The following GALNTL6 variants were observed in gnomAD, a reference collection of about 807,000 sequenced individuals.
The protein encoded by GALNTL6 is polypeptide N-acetylgalactosaminyltransferase like 6, also known as polypeptide N-acetylgalactosaminyltransferase-like 6.
In GALNTL6, 46 loss-of-function variants were observed where a neutral mutation model predicts 73.7. The ratio of observed to expected loss-of-function variants is 0.62; its 90% CI spans 0.49 to 0.80. The LOEUF is 0.80. Ranked by LOEUF, GALNTL6 falls within the 30% of genes least tolerant of loss-of-function variation. The pLI, the probability that GALNTL6 is intolerant of heterozygous loss-of-function variation, is 0.00. For synonymous variants in GALNTL6, 259 were observed against 263.7 expected, an observed-to-expected ratio of 0.98 and a Z score of 0.17; for missense variants, 604 against 755.0, an observed-to-expected ratio of 0.80 and a Z score of 2.34.
At position 172,881,404 on chromosome 4, in the gene GALNTL6, C is replaced by T. The variant is rs111738215; in HGVS notation, c.924-1386C>T. 5.4e-3 allele frequency among the ~76,000 whole-genome samples: 830 copies of T among 152,296 alleles called. 9 individuals are homozygous for T. The highest frequency in any genetic ancestry group is 0.018 in the African/African-American group (756 of 41,550). On this transcript the variant is annotated intron_variant, in intron 7 of 12. Coordinates refer to ENST00000506823, the MANE Select transcript of GALNTL6 (RefSeq NM_001034845.3). Reference sequence around the variant, plus strand: ...TTCTGCCCACTTTCCTGGAGAAAAACCTAAATTCCTCTCCCAGTCTTGTAA... The same window carrying T: ...TTCTGCCCACTTTCCTGGAGAAAAATCTAAATTCCTCTCCCAGTCTTGTAA...
At chr4:172,081,188 T>A (rs1192521585) in intron 2 of GALNTL6, among the ~76,000 whole-genome samples, 1 of 152,222 alleles carries the variant, frequency 6.6e-6, no homozygotes, top group Non-Finnish European at 1.5e-5. Context: ...AAAGGGCATA[T>A]AATGGAGAGT....
At chr4:172,346,963 T>A (rs1741763138) in intron 4 of GALNTL6, among the ~76,000 whole-genome samples, 1 of 147,336 alleles carries the variant, frequency 6.8e-6, no homozygotes, top group Non-Finnish European at 1.5e-5. Flanking sequence ...GCCTATTGAT[T>A]TTTTTCTTTT....
At chr4:172,995,178 T>C (rs1751721152) in intron 10 of GALNTL6, among the ~76,000 whole-genome samples, 1 of 152,154 alleles carries the variant, frequency 6.6e-6, no homozygotes, top group South Asian at 2.1e-4. Flanking sequence ...AGTGTTTATA[T>C]TCATAAAATA....
At chr4:172,078,214 A>G (rs1407240744) in intron 2 of GALNTL6, among the ~76,000 whole-genome samples, 1 of 152,184 alleles carries the variant, frequency 6.6e-6, no homozygotes, top group Admixed American at 6.5e-5. Context: ...TGATTGGAAC[A>G]TGGGGGCAGA....
chr4:172,657,968 G>A (rs1731135828), intron 5 of GALNTL6, among the ~76,000 whole-genome samples: 1 of 149,800 alleles, frequency 6.7e-6, no homozygotes, highest in African/African-American at 2.5e-5. Context: ...GGCTAAAACG[G>A]TGAAACCCCG....
At chr4:172,795,832 T>C (rs1740231410) in intron 5 of GALNTL6, among the ~76,000 whole-genome samples, 1 of 151,066 alleles carries the variant, frequency 6.6e-6, no homozygotes, top group Non-Finnish European at 1.5e-5. Flanking sequence ...TCAGAAAACA[T>C]TATTCACAAA....
chr4:172,997,674 A>G (rs760366965), intron 10 of GALNTL6, among the ~76,000 whole-genome samples: 26 of 152,182 alleles, frequency 1.7e-4, no homozygotes, highest in Non-Finnish European at 2.9e-4. Flanking sequence ...AGAGATGTGG[A>G]TTAAAGAGTA....
intron 2 of GALNTL6, among the ~76,000 whole-genome samples, chr4:172,152,060 C>T (rs1264227761): frequency 1.3e-5 from 2 of 151,774 alleles, no homozygotes; most frequent in Non-Finnish European, 2.9e-5. Context: ...TACTGCAACC[C>T]CCACCTCCCG....
intron 12 of GALNTL6, among the ~76,000 whole-genome samples, chr4:173,035,695 G>T (rs1327910177): frequency 6.6e-6 from 1 of 152,214 alleles, no homozygotes; most frequent in Non-Finnish European, 1.5e-5. Flanking sequence ...TAATTGCACA[G>T]AAGAGCTCAT....
chr4:172,328,984 T>A (rs574966509), intron 4 of GALNTL6, among the ~76,000 whole-genome samples: 1 of 152,256 alleles, frequency 6.6e-6, no homozygotes, highest in South Asian at 2.1e-4. Context: ...CATCTCTGGG[T>A]GGGTGTTCCT....
chr4:172,718,560 C>T (rs1430251147), intron 5 of GALNTL6, among the ~76,000 whole-genome samples: 1 of 151,972 alleles, frequency 6.6e-6, no homozygotes, highest in South Asian at 2.1e-4. Context: ...ATCACTTGAG[C>T]CTGGGAGGTT....
intron 5 of GALNTL6, among the ~76,000 whole-genome samples, chr4:172,659,240 A>T (rs1731246146): frequency 6.6e-6 from 1 of 151,696 alleles, no homozygotes; most frequent in South Asian, 2.1e-4. Flanking sequence ...TCTTTTTTAA[A>T]ATTTTTATGT....
chr4:171,901,838 T>C (rs892855997), intron 2 of GALNTL6, among the ~76,000 whole-genome samples: 1 of 152,168 alleles, frequency 6.6e-6, no homozygotes, highest in East Asian at 1.9e-4. Flanking sequence ...AAAAAATTAA[T>C]ATTGTCTCAC....
At chr4:172,718,232 T>A (rs1324590040) in intron 5 of GALNTL6, among the ~76,000 whole-genome samples, 1 of 152,214 alleles carries the variant, frequency 6.6e-6, no homozygotes, top group Non-Finnish European at 1.5e-5. Flanking sequence ...AGAGTGAAGA[T>A]GTTAATATTT....
intron 7 of GALNTL6, among the ~76,000 whole-genome samples, chr4:172,831,157 C>CAAAAAAAAAAAAAA (rs60870698): frequency 4.9e-4 from 31 of 63,902 alleles, no homozygotes; most frequent in Non-Finnish European, 6.5e-4. Flanking sequence ...GACTCCCTCT[C>CAAAAAAAAAAAAAA]AAAAAAAAAA....
At chr4:172,339,602 C>CT (rs1411046210) in intron 4 of GALNTL6, among the ~76,000 whole-genome samples, 8 of 152,184 alleles carry the variant, frequency 5.3e-5, no homozygotes, top group African/African-American at 1.9e-4. Flanking sequence ...TGGCATCCTG[C>CT]TTTCAACTCC....
At chr4:171,958,546 T>C (rs1739124046) in intron 2 of GALNTL6, among the ~76,000 whole-genome samples, 1 of 152,160 alleles carries the variant, frequency 6.6e-6, no homozygotes, top group Admixed American at 6.6e-5. Context: ...ATTAGGTCTT[T>C]ACTGTTATCA....
chr4:172,716,092 C>T (rs1302778694), intron 5 of GALNTL6, among the ~76,000 whole-genome samples: 11 of 134,740 alleles, frequency 8.2e-5, no homozygotes, highest in African/African-American at 3.0e-4. Context: ...CAGGGTGGGA[C>T]ATTTGGCAAA....
At chr4:171,967,455 T>TGTTTTGTTTTG (rs1553976689) in intron 2 of GALNTL6, among the ~76,000 whole-genome samples, 2 of 146,722 alleles carry the variant, frequency 1.4e-5, no homozygotes, top group Non-Finnish European at 3.0e-5. Flanking sequence ...GGGTTTTTTT[T>TGTTTTGTTTTG]TTTTTTTTTT....
Sources: allele counts gnomAD v4.1 joint callset (sites outside exome capture counted in the v4.1 genomes callset), GRCh38; gene constraint gnomAD v4.1.1; transcripts MANE v1.5; gene names NCBI Gene and HGNC (gene_info 2026-07-23, HGNC 2026-07-21).